Variants in CDH10 observed in about 807,000 individuals in gnomAD.
CDH10 encodes the protein cadherin-10.
CDH10 carries 30 observed loss-of-function variants against 73.1 expected under a neutral mutation model. The observed-to-expected ratio is 0.41, with a 90% CI of 0.31 to 0.56. The LOEUF (loss-of-function observed/expected upper bound fraction) is 0.56. Among genes scored for constraint, CDH10 ranks in the 20% least tolerant of loss-of-function variants. CDH10 has a pLI of 0.27. For synonymous variants in CDH10, 345 were observed against 348.2 expected (o/e 0.99, Z 0.10); for missense variants, 815 against 973.7 (o/e 0.84, Z 2.17).
At chr5:24,630,647 CTG>C (rs1167309254) in intron 1 of CDH10, among the ~76,000 whole-genome samples, 2 of 149,354 alleles carry the variant, frequency 1.3e-5, no homozygotes, top group Admixed American at 6.7e-5. Context: ...CGAGGGCAGA[CTG>C]ATCAATAGAA....
chr5:24,576,853 C>A (rs909370172), intron 2 of CDH10, among the ~76,000 whole-genome samples: 1 of 151,886 alleles, frequency 6.6e-6, no homozygotes, highest in Non-Finnish European at 1.5e-5. Flanking sequence ...CCAGTGGAGA[C>A]TTTACCTAGG....
At chr5:24,513,008 CTT>C in intron 5 of CDH10, among the ~76,000 whole-genome samples, 1 of 146,608 alleles carries the variant, frequency 6.8e-6, no homozygotes, top group Non-Finnish European at 1.5e-5. Context: ...CTTTTCTTTT[CTT>C]TTCTTTCTTT....
rs2111610988 is a variant in CDH10 at position 24,488,052 on chromosome 5, C to T, written c.1978G>A (p.Glu660Lys). 6.2e-7 allele frequency: 1 copy of T among 1,613,996 alleles called. No individual in the cohort carries two copies. The highest frequency in any genetic ancestry group is 8.5e-7 in the Non-Finnish European group (1 of 1,179,964). ...TGGGTGTCCTCCTCTCCACCACCCT[C>T]ATCGTTATAGCTCACAATGTTGTCT... is the stretch of plus-strand genomic sequence containing the variant. Reference protein sequence around the residue: ...IRDNIVSYNDEGGGEEDTQAF... With the variant: ...IRDNIVSYNDKGGGEEDTQAF... The change falls in exon 12 of 12, where the codon GAG (glutamate) becomes AAG (lysine). Residue 660 changes from glutamate to lysine, a missense_variant. Physicochemically the swap from Glu to Lys is moderately conservative, Grantham distance 56 (BLOSUM62 1). Transcript: ENST00000264463.
At chr5:24,567,237 G>A (rs35041118) in intron 2 of CDH10, among the ~76,000 whole-genome samples, 55,741 of 151,656 alleles carry the variant, frequency 0.37, 12,564 homozygotes, top group East Asian at 0.54. Context: ...GAATTCTCAT[G>A]TACTAATTGT....
At chr5:24,501,793 G>C (rs559542880) in intron 8 of CDH10, among the ~76,000 whole-genome samples, 1 of 152,300 alleles carries the variant, frequency 6.6e-6, no homozygotes, top group South Asian at 2.1e-4. Flanking sequence ...GTATTGCAAT[G>C]ATTAAAGTCA....
chr5:24,640,787 G>GTC (rs1554028447), intron 1 of CDH10, among the ~76,000 whole-genome samples: 1 of 151,606 alleles, frequency 6.6e-6, no homozygotes. Flanking sequence ...GTTCCATAAT[G>GTC]TTTAACCAAT....
At chr5:24,496,345 A>G (rs1742287239) in intron 9 of CDH10, among the ~76,000 whole-genome samples, 1 of 152,166 alleles carries the variant, frequency 6.6e-6, no homozygotes, top group Non-Finnish European at 1.5e-5. Context: ...ATGAGACAAG[A>G]TAGAATGAAA....
chr5:24,607,683 T>G (rs373165887), intron 1 of CDH10, among the ~76,000 whole-genome samples: 1 of 152,300 alleles, frequency 6.6e-6, no homozygotes, highest in East Asian at 1.9e-4. Flanking sequence ...TCTGAAAAGG[T>G]CAAATTAATG....
chr5:24,549,616 A>G (rs1016845742), intron 2 of CDH10, among the ~76,000 whole-genome samples: 3 of 150,966 alleles, frequency 2.0e-5, no homozygotes, highest in African/African-American at 7.3e-5. Flanking sequence ...CAATGGCACA[A>G]TCTTGGCTCA....
At chr5:24,603,858 T>C (rs1746657064) in intron 1 of CDH10, among the ~76,000 whole-genome samples, 1 of 152,108 alleles carries the variant, frequency 6.6e-6, no homozygotes. Context: ...ATGGAAATCA[T>C]ACATATTGAA....
At chr5:24,637,862 A>G (rs1747917572) in intron 1 of CDH10, among the ~76,000 whole-genome samples, 1 of 151,894 alleles carries the variant, frequency 6.6e-6, no homozygotes, top group Non-Finnish European at 1.5e-5. Flanking sequence ...AGCGGTTCCT[A>G]TGCAAAGTTT....
chr5:24,559,565 T>C (rs1245676105), intron 2 of CDH10, among the ~76,000 whole-genome samples: 1 of 152,016 alleles, frequency 6.6e-6, no homozygotes, highest in Non-Finnish European at 1.5e-5. Flanking sequence ...GAAAATGTTT[T>C]TGGTCAACTG....
chr5:24,545,743 C>T (rs570096524), intron 2 of CDH10, among the ~76,000 whole-genome samples: 30 of 151,552 alleles, frequency 2.0e-4, no homozygotes, highest in African/African-American at 2.7e-4. Context: ...TGCTCGAGCC[C>T]GTGCATGCAA....
chr5:24,489,981 A>T (rs1209493393), intron 11 of CDH10, among the ~76,000 whole-genome samples: 1 of 152,050 alleles, frequency 6.6e-6, no homozygotes, highest in African/African-American at 2.4e-5. Context: ...GAATATTTTG[A>T]ATTTTCCGTT....
intron 2 of CDH10, among the ~76,000 whole-genome samples, chr5:24,564,420 T>G (rs1405659513): frequency 6.6e-6 from 1 of 152,102 alleles, no homozygotes; most frequent in African/African-American, 2.4e-5. Context: ...GAAGGCTGAA[T>G]AATTAATCTT....
In CDH10 at chr5:24,496,591, A is replaced by ATTTTTCC. The variant is rs1742297403; in HGVS notation, c.1515+1806_1515+1807insGGAAAAA. Among the ~76,000 whole-genome samples, 3 of 152,196 alleles carry ATTTTTCC rather than the reference A, an allele frequency of 2.0e-5. No homozygotes were observed. In the South Asian group the frequency reaches 6.2e-4, roughly 31 times the overall value. On this transcript the variant is annotated intron_variant, in intron 9 of 11. Coordinates refer to ENST00000264463, the MANE Select transcript of CDH10 (RefSeq NM_006727.5). ...GTCACCTCATTTTGTCCACAACCAAATGAATGGATAATTGTCCATGTCGGT... is the reference window on the plus strand; with the variant it reads ...GTCACCTCATTTTGTCCACAACCAAATTTTTCCTGAATGGATAATTGTCCATGTCGGT...
chr5:24,638,526 T>A (rs1747941672), intron 1 of CDH10, among the ~76,000 whole-genome samples: 1 of 151,832 alleles, frequency 6.6e-6, no homozygotes, highest in Non-Finnish European at 1.5e-5. Context: ...TCCAAAGGAA[T>A]AACTAAAGTC....
At chr5:24,610,727 G>A (rs761894368) in intron 1 of CDH10, among the ~76,000 whole-genome samples, 1 of 152,102 alleles carries the variant, frequency 6.6e-6, no homozygotes, top group Non-Finnish European at 1.5e-5. Context: ...GATTTTAAAT[G>A]CCTTGTACCT....
At chr5:24,606,158 A>T (rs1746753277) in intron 1 of CDH10, among the ~76,000 whole-genome samples, 1 of 152,206 alleles carries the variant, frequency 6.6e-6, no homozygotes, top group African/African-American at 2.4e-5. Flanking sequence ...GGCATTTATC[A>T]AAATTCATAG....
Sources: gnomAD v4.1 joint callset for allele counts (sites outside exome capture counted in the v4.1 genomes callset) on GRCh38, gnomAD v4.1.1 for gene constraint, MANE v1.5 for transcripts, NCBI Gene and HGNC (gene_info 2026-07-23, HGNC 2026-07-21) for gene names.